Variants in RAPGEFL1 observed in about 807,000 individuals in gnomAD.
RAPGEFL1 encodes Rap guanine nucleotide exchange factor like 1, also known as rap guanine nucleotide exchange factor-like 1.
RAPGEFL1 carries 31 observed loss-of-function variants against 64.4 expected under a neutral mutation model. The ratio of observed to expected loss-of-function variants is 0.48; its 90% confidence interval spans 0.36 to 0.65. The LOEUF (loss-of-function observed/expected upper bound fraction) is 0.65, where lower values mean the gene tolerates loss of function less well. RAPGEFL1 is among the 30% of genes least tolerant of loss of function. The probability of loss-of-function intolerance (pLI) is 0.00; values close to 1 mark genes in which losing one functional copy is unlikely to be tolerated. For synonymous variants in RAPGEFL1, 331 were observed against 274.1 expected, an observed-to-expected ratio of 1.21 and a Z score of -2.05; for missense variants, 682 against 677.4, an observed-to-expected ratio of 1.01 and a Z score of -0.08.
chr17:40,192,216 C>T lies in RAPGEFL1; in HGVS notation c.1609C>T (p.Leu537=). ...CTCCTTCCTTCAAACTCTGCAGAAG[C>T]TGCCAGGGAAATTCAAGAACTTGTT... The part of the protein sequence containing the change: ...VSRLRLTWEK[L]PGKFKNLFRK... The change falls in exon 11 of 15, where the codon CTG becomes TTG. Residue 537 remains leucine (L), a synonymous_variant. Coordinates refer to ENST00000620260, the MANE Select transcript of RAPGEFL1 (RefSeq NM_016339.6). 1 of 1,613,908 alleles carries T rather than the reference C, an allele frequency of 6.2e-7. No individual in the cohort carries two copies. Among genetic ancestry groups the T allele is most frequent in the Non-Finnish European group, 8.5e-7 (1 of 1,179,764 alleles).
rs1026094404 is a variant in RAPGEFL1 at position 40,191,467 on chromosome 17, T to C, written c.1487T>C (p.Leu496Pro). 3 of 1,606,954 alleles carry C rather than the reference T, an allele frequency of 1.9e-6. No homozygotes were observed. The highest frequency in any genetic ancestry group is 2.5e-6 in the Non-Finnish European group (3 of 1,178,456). Residue 496 changes from leucine (L) to proline (P), a missense_variant, in exon 9 of 15, where the codon CTC (leucine) becomes CCC (proline). By Grantham distance (98) the Leu-to-Pro change is moderately conservative. Around this residue, in one of 2 missense-constraint regions of RAPGEFL1, gnomAD observed 411 missense variants for 519.4 expected, o/e 0.79. Transcript: ENST00000620260. This position sits in a 1 kb window ranked among gnomAD's most constrained non-coding sequence, Gnocchi z 5.1. The stretch of plus-strand genomic sequence containing the variant: ...GCCCCGGGCAAGCGCGCGCAGCTGC[T>C]CAAGAAGTTCATCAAGATCGCGGCC... ...CEAPGKRAQL[L>P]KKFIKIAALC...
At chr17:40,186,456 T>TACTC (rs1489649317) in intron 4 of RAPGEFL1, among the ~76,000 whole-genome samples, 2 of 150,180 alleles carry the variant, frequency 1.3e-5, no homozygotes, top group African/African-American at 4.9e-5. Flanking sequence ...CAGTCCCAGC[T>TACTC]ACTCGGGAGG....
At chr17:40,189,151 G>C (rs1274016409) in intron 5 of RAPGEFL1, 57 bp from the exon 6 acceptor site, 4 of 1,574,406 alleles carry the variant, frequency 2.5e-6, no homozygotes, top group Middle Eastern at 1.7e-4. Flanking sequence ...GGAGGAGACT[G>C]TGCCAGCTGC....
Position 40,191,120 on chromosome 17 carries a change from G to A in RAPGEFL1, c.1336-196G>A. 1.6e-6 allele frequency: 1 copy of A among 616,068 alleles called. No individual in the cohort carries two copies. Among genetic ancestry groups the A allele is most frequent in the Admixed American group, 3.3e-5 (1 of 30,132 alleles). 38.2% of individuals were successfully genotyped at this position (616,068 alleles called of 1,614,324 possible). A position where few individuals can be genotyped will look rare whatever the true frequency, so the allele number is the denominator to read the frequency against. ...GGCACCTAGTAAGTGCTCAGTAGCT[G>A]GTGAAATATTATTAATGCTGGTTGT... On this transcript the variant is annotated intron_variant, in intron 8 of 14. Coordinates refer to ENST00000620260, the MANE Select transcript of RAPGEFL1 (RefSeq NM_016339.6). This position sits in a 1 kb window ranked among gnomAD's most constrained non-coding sequence, Gnocchi z 5.1.
chr17:40,177,016 C>A, upstream of RAPGEFL1: 1 of 701,006 alleles, frequency 1.4e-6, no homozygotes, highest in South Asian at 1.5e-5. Context: ...ACCTATTGTG[C>A]CCTACCAGAG....
At chr17:40,185,111 T>C (rs934401508) in intron 4 of RAPGEFL1, among the ~76,000 whole-genome samples, 2 of 152,208 alleles carry the variant, frequency 1.3e-5, no homozygotes, top group African/African-American at 4.8e-5. Context: ...TTTCTCTCAC[T>C]GAAGGGTGGC....
intron 4 of RAPGEFL1, among the ~76,000 whole-genome samples, chr17:40,187,898 C>T (rs535839424): frequency 3.3e-5 from 5 of 150,322 alleles, no homozygotes; most frequent in African/African-American, 1.2e-4. Flanking sequence ...CAGGCGTGAG[C>T]CACCGCGCCT....
intron 12 of RAPGEFL1, 96 bp downstream of exon 12, chr17:40,192,789 G>C (rs1233046818): frequency 7.1e-7 from 1 of 1,398,910 alleles, no homozygotes; most frequent in Non-Finnish European, 1.0e-6. Flanking sequence ...ACTCAGCCCT[G>C]AGTACCCACC....
intron 13 of RAPGEFL1, 87 bp downstream of exon 13, chr17:40,193,077 C>G (rs1025548263): frequency 3.8e-6 from 5 of 1,302,480 alleles, no homozygotes; most frequent in Admixed American, 1.7e-5. Context: ...AAAATAGCAG[C>G]CTTCCTCCAA....
In RAPGEFL1 at chr17:40,189,199, T is replaced by C; in HGVS notation, c.947-9T>C. Reference sequence around the variant, plus strand: ...CTCTGTTGAAAGCCATTTTCCTGTTTCCGTCCAGTCTTCTGCCGTGTATAC... The same window carrying C: ...CTCTGTTGAAAGCCATTTTCCTGTTCCCGTCCAGTCTTCTGCCGTGTATAC... On this transcript the variant is annotated splice_polypyrimidine_tract_variant and intron_variant, in intron 5 of 14. Coordinates refer to ENST00000620260, the MANE Select transcript of RAPGEFL1 (RefSeq NM_016339.6). 1.2e-6 allele frequency: 2 copies of C among 1,613,846 alleles called. No homozygotes were observed. The highest frequency in any genetic ancestry group is 1.7e-6 in the Non-Finnish European group (2 of 1,179,792).
chr17:40,177,372 C>G (rs531736456), upstream of RAPGEFL1: 1 of 676,740 alleles, frequency 1.5e-6, no homozygotes, highest in Non-Finnish European at 2.7e-6. Flanking sequence ...CCCCAGCGCG[C>G]GAGTTCAAGC....
At chr17:40,177,371 G>A (rs1459411749), upstream of RAPGEFL1, 1 of 701,354 alleles carries the variant, frequency 1.4e-6, no homozygotes, top group Admixed American at 2.0e-5. Context: ...ACCCCAGCGC[G>A]CGAGTTCAAG....
intron 4 of RAPGEFL1, among the ~76,000 whole-genome samples, chr17:40,186,663 C>A (rs1210901084): frequency 3.5e-5 from 5 of 142,070 alleles, no homozygotes; most frequent in African/African-American, 1.3e-4. Context: ...TTTGGGAGGC[C>A]GAGGCAGGCA....
Position 40,190,668 on chromosome 17 carries a change from C to T in RAPGEFL1, c.1241C>T (p.Ser414Phe). The T allele has an allele frequency of 6.2e-7, 1 of 1,614,152 alleles. No individual in the cohort carries two copies. ...CCCCTCCCCGAGGAGATCCAGGTCTCCCCTGGAGACACAGAGATCCACCGA... is the reference window on the plus strand; with the variant it reads ...CCCCTCCCCGAGGAGATCCAGGTCTTCCCTGGAGACACAGAGATCCACCGA... ...LVPLPEEIQV[S>F]PGDTEIHRVE... Residue 414 changes from serine to phenylalanine, a missense_variant, in exon 8 of 15, where the codon TCC becomes TTC. By Grantham distance (155) the Ser-to-Phe change is radical (BLOSUM62 -2). This residue lies in a region of RAPGEFL1 where 411 missense variants were observed against 519.4 expected (regional missense o/e 0.79). Transcript: ENST00000620260.
intron 2 of RAPGEFL1, 146 bp from the exon 3 acceptor site, chr17:40,184,068 T>C: frequency 2.8e-6 from 2 of 722,044 alleles, no homozygotes; most frequent in Non-Finnish European, 4.9e-6. Context: ...GGTCTCGAAC[T>C]CCTGACCTCA....
At position 40,190,444 on chromosome 17, in the gene RAPGEFL1, T is replaced by C; in HGVS notation, c.1125T>C (p.Leu375=). 6.2e-7 allele frequency: 1 copy of C among 1,614,040 alleles called. No individual in the cohort carries two copies. Among genetic ancestry groups the C allele is most frequent in the Non-Finnish European group, 8.5e-7 (1 of 1,179,994 alleles). The change falls in exon 7 of 15, where the codon CTT becomes CTC. Residue 375 remains leucine (L), a synonymous_variant. Coordinates refer to ENST00000620260, the MANE Select transcript of RAPGEFL1 (RefSeq NM_016339.6). ...VAVSSSGEKV[L]LQPTEDCVFT... Reference sequence around the variant, plus strand: ...CTCTTTCTCCTGCAGAGAAGGTCCTTCTCCAGCCCACTGAGGACTGTGTTT... The same window carrying C: ...CTCTTTCTCCTGCAGAGAAGGTCCTCCTCCAGCCCACTGAGGACTGTGTTT...
At position 40,184,277 on chromosome 17, in the gene RAPGEFL1, C is replaced by T; in HGVS notation, c.663C>T (p.Ala221=). 2 of 1,613,900 alleles carry T rather than the reference C, an allele frequency of 1.2e-6. No homozygotes were observed. The highest frequency in any genetic ancestry group is 1.7e-6 in the Non-Finnish European group (2 of 1,179,960). The change falls in exon 3 of 15, where the codon GCC becomes GCT. Residue 221 remains alanine, a synonymous_variant. Transcript: ENST00000620260. ...EGLGRKQACL[A]MLLHFLDTYQ... is the part of the protein sequence containing the mutation. ...TGGGCCGGAAGCAAGCCTGTCTAGC[C>T]ATGCTTCTCCATTTCTTGGACACCT... is the stretch of plus-strand genomic sequence containing the variant.
chr17:40,189,279 G>C lies in RAPGEFL1; in HGVS notation c.1018G>C (p.Asp340His). The C allele has an allele frequency of 6.2e-7, 1 of 1,614,130 alleles. No individual in the cohort carries two copies. Among genetic ancestry groups the C allele is most frequent in the South Asian group, 1.1e-5 (1 of 91,088 alleles). ...CAGCCGCCTTTCAGCATCTGTGCAG[G>C]ACATTCTGGGCTCTGTGACGGAGAA... ...IRSRLSASVQ[D>H]ILGSVTEKLQ... Residue 340 changes from aspartate to histidine, a missense_variant, in exon 6 of 15, where the codon GAC becomes CAC. Coordinates refer to ENST00000620260, the MANE Select transcript of RAPGEFL1 (RefSeq NM_016339.6).
rs1278491958 is a variant in RAPGEFL1 at position 40,193,851 on chromosome 17, G to A, written c.*63G>A. 2.9e-5 allele frequency: 46 copies of A among 1,605,696 alleles called. No homozygotes were observed. The highest frequency in any genetic ancestry group is 3.7e-5 in the Non-Finnish European group (44 of 1,175,314). ...CACCTGGCACTCAAGCACTTTGCAC[G>A]ATGTCTCAACCAACATCTGACATCT... On this transcript the variant is annotated 3_prime_UTR_variant, in exon 15 of 15. Coordinates refer to ENST00000620260, the MANE Select transcript of RAPGEFL1 (RefSeq NM_016339.6).
Sources: allele counts gnomAD v4.1 joint callset (sites outside exome capture counted in the v4.1 genomes callset), GRCh38; gene constraint gnomAD v4.1.1; regional missense constraint gnomAD v4.1.1; non-coding constraint Gnocchi (gnomAD v3.1); transcripts MANE v1.5; gene names NCBI Gene and HGNC (gene_info 2026-07-23, HGNC 2026-07-21).